The following TMEM132D variants were observed in gnomAD, a reference collection of about 807,000 sequenced individuals.
The protein encoded by TMEM132D is mature OL transmembrane protein.
A neutral mutation model predicts 62.3 loss-of-function variants in TMEM132D; 21 were observed. That is an observed-to-expected ratio of 0.34 (90% CI 0.24 to 0.49). The LOEUF is 0.49. Ranked by LOEUF, TMEM132D falls within the 20% of genes least tolerant of loss-of-function variation. The pLI, the probability that TMEM132D is intolerant of heterozygous loss-of-function variation, is 0.99. For missense variants in TMEM132D, 1,346 were observed against 1,402.8 expected (o/e 0.96, Z 0.65); for synonymous variants, 621 against 575.6 (o/e 1.08, Z -1.13).
At chr12:129,580,951 T>C (rs1359227784) in intron 2 of TMEM132D, among the ~76,000 whole-genome samples, 1 of 152,310 alleles carries the variant, frequency 6.6e-6, no homozygotes, top group East Asian at 1.9e-4. Context: ...GGCATTACTC[T>C]GCAATGCACG....
intron 5 of TMEM132D, among the ~76,000 whole-genome samples, chr12:129,205,376 G>GA (rs35326308): frequency 0.1 from 11,585 of 111,208 alleles, 526 homozygotes; most frequent in African/African-American, 0.14. Context: ...CCTAATTTCA[G>GA]AAAAAAAAAA....
At chr12:129,626,432 A>G (rs149952473) in intron 2 of TMEM132D, among the ~76,000 whole-genome samples, 172 of 151,682 alleles carry the variant, frequency 1.1e-3, no homozygotes, top group Non-Finnish European at 1.8e-3. Flanking sequence ...CATACTACTC[A>G]ATTGTACTTT....
At chr12:129,771,139 G>A (rs541248407) in intron 1 of TMEM132D, among the ~76,000 whole-genome samples, 11 of 152,316 alleles carry the variant, frequency 7.2e-5, no homozygotes, top group African/African-American at 1.9e-4. Context: ...TGCAGAATGT[G>A]TGTACATGAA....
At chr12:129,727,693 T>C (rs1869086462) in intron 1 of TMEM132D, among the ~76,000 whole-genome samples, 1 of 152,138 alleles carries the variant, frequency 6.6e-6, no homozygotes. Flanking sequence ...TTACCCAGCA[T>C]GAGAAATTTT....
Position 129,882,519 on chromosome 12 carries a change from A to G in TMEM132D, c.79+20742T>C, listed in dbSNP as rs1282897880. On this transcript the variant is annotated intron_variant, in intron 1 of 8. Transcript: ENST00000422113. The stretch of plus-strand genomic sequence containing the variant: ...TCCAGCTTACTAAGACAAGTCAGGA[A>G]TAAGTTCTAGTGGTCTAAACCACTG... Among the ~76,000 whole-genome samples, 4 of 152,234 alleles carry G rather than the reference A, an allele frequency of 2.6e-5. No individual in the cohort carries two copies. The East Asian group carries it at 7.7e-4, about 29-fold the overall frequency.
At chr12:129,642,920 CTT>C (rs71082742) in intron 2 of TMEM132D, among the ~76,000 whole-genome samples, 21 of 105,552 alleles carry the variant, frequency 2.0e-4, no homozygotes, top group African/African-American at 5.0e-4. Flanking sequence ...ATTTACAAAT[CTT>C]TTTTTTTTTT....
intron 4 of TMEM132D, among the ~76,000 whole-genome samples, chr12:129,315,690 T>C (rs756265908): frequency 2.6e-5 from 4 of 152,214 alleles, no homozygotes; most frequent in Non-Finnish European, 5.9e-5. Flanking sequence ...CCTCTTTCTC[T>C]ACCTTGTGGA....
At chr12:129,676,036 G>A (rs553720813) in intron 2 of TMEM132D, among the ~76,000 whole-genome samples, 23 of 152,334 alleles carry the variant, frequency 1.5e-4, no homozygotes, top group Non-Finnish European at 3.1e-4. Flanking sequence ...GACACTTAGT[G>A]TGTGCTATGT....
chr12:129,199,515 G>A (rs1878637774), intron 5 of TMEM132D, among the ~76,000 whole-genome samples: 1 of 152,142 alleles, frequency 6.6e-6, no homozygotes, highest in African/African-American at 2.4e-5. Context: ...CTTACAAGAT[G>A]AGCCTACAGA....
At chr12:129,109,515 C>G (rs1875611957) in intron 5 of TMEM132D, 1 of 152,272 alleles carries the variant, frequency 6.6e-6, no homozygotes, top group Non-Finnish European at 1.5e-5. Flanking sequence ...CATATCTCAA[C>G]TTGAATTGTA....
At chr12:129,811,879 G>A (rs781468612) in intron 1 of TMEM132D, among the ~76,000 whole-genome samples, 6 of 151,674 alleles carry the variant, frequency 4.0e-5, no homozygotes, top group Non-Finnish European at 7.4e-5. Context: ...TCCAAGACAC[G>A]GGATTCTTCC....
At chr12:129,318,250 G>A (rs1173408511) in intron 4 of TMEM132D, among the ~76,000 whole-genome samples, 1 of 152,162 alleles carries the variant, frequency 6.6e-6, no homozygotes, top group African/African-American at 2.4e-5. Context: ...TTGGTTTTCT[G>A]GTTCCTTCTC....
chr12:129,250,928 C>A (rs775239702), intron 4 of TMEM132D, among the ~76,000 whole-genome samples: 1 of 152,144 alleles, frequency 6.6e-6, no homozygotes, highest in African/African-American at 2.4e-5. Context: ...CAGGTGCGTA[C>A]GGTGGTATTG....
chr12:129,842,012 G>A (rs1203514924), intron 1 of TMEM132D, among the ~76,000 whole-genome samples: 4 of 148,234 alleles, frequency 2.7e-5, no homozygotes, highest in Admixed American at 2.0e-4. Flanking sequence ...CTCACTGCAA[G>A]CTCTGCCTCC....
chr12:129,467,967 C>G (rs1259586971), intron 3 of TMEM132D, among the ~76,000 whole-genome samples: 1 of 152,058 alleles, frequency 6.6e-6, no homozygotes, highest in Non-Finnish European at 1.5e-5. Context: ...ATTTCAATAG[C>G]CTAGGTAACA....
intron 2 of TMEM132D, among the ~76,000 whole-genome samples, chr12:129,642,819 T>A (rs1417124212): frequency 6.6e-6 from 1 of 152,134 alleles, no homozygotes; most frequent in Non-Finnish European, 1.5e-5. Flanking sequence ...TTACCTCCTG[T>A]CTTTGCTGCA....
chr12:129,747,320 C>T lies in TMEM132D; in HGVS notation c.80-46622G>A, dbSNP rs547737447. Among the ~76,000 whole-genome samples, 19 of 152,200 alleles carry T rather than the reference C, an allele frequency of 1.2e-4. No individual in the cohort carries two copies. In the South Asian group the frequency reaches 1.7e-3, roughly 13 times the overall value. On this transcript the variant is annotated intron_variant, in intron 1 of 8. Transcript: ENST00000422113. ...TGACTTTTCTTTGATGTCCACATAG[C>T]TCATTCTAAAGTCTCCTTCAGGACA... is the stretch of plus-strand genomic sequence containing the variant.
rs192269152 is a variant in TMEM132D at position 129,314,787 on chromosome 12, C to T, written c.1299+22847G>A. Among the ~76,000 whole-genome samples the T allele has an allele frequency of 4.0e-3, 604 of 152,074 alleles. 3 individuals are homozygous for T. The highest frequency in any genetic ancestry group is 0.012 in the South Asian group (57 of 4,796). On this transcript the variant is annotated intron_variant, in intron 4 of 8. Coordinates refer to ENST00000422113, the MANE Select transcript of TMEM132D (RefSeq NM_133448.3). ...TGTTTCCATTTGTTTGTGTTGTCTA[C>T]GGTTTATTTCAGCAGTGTTTTGTAG...
intron 4 of TMEM132D, among the ~76,000 whole-genome samples, chr12:129,221,509 G>T (rs1879345333): frequency 1.3e-5 from 2 of 152,112 alleles, no homozygotes; most frequent in Non-Finnish European, 2.9e-5. Context: ...AGATTGCTCA[G>T]ATATGAAACC....
Sources: allele counts gnomAD v4.1 joint callset (sites outside exome capture counted in the v4.1 genomes callset), GRCh38; gene constraint gnomAD v4.1.1; transcripts MANE v1.5; gene names NCBI Gene and HGNC (gene_info 2026-07-23, HGNC 2026-07-21).